Variants in NCOR2 observed in about 807,000 individuals in gnomAD.
The protein encoded by NCOR2 is nuclear receptor corepressor 2.
A neutral mutation model predicts 262.9 loss-of-function variants in NCOR2; 81 were observed. The observed-to-expected ratio is 0.31, with a 90% CI of 0.26 to 0.37. NCOR2 has a LOEUF of 0.37. Among genes scored for constraint, NCOR2 ranks in the 10% least tolerant of loss-of-function variants. The pLI is 1.00. For synonymous variants in NCOR2, 1,659 were observed against 1,559.3 expected, an observed-to-expected ratio of 1.06 and a Z score of -1.51; for missense variants, 3,385 against 3,621.4, an observed-to-expected ratio of 0.93 and a Z score of 1.68.
intron 12 of NCOR2, among the ~76,000 whole-genome samples, chr12:124,420,836 T>C (rs867071032): frequency 6.6e-6 from 1 of 152,190 alleles, no homozygotes; most frequent in African/African-American, 2.4e-5. Context: ...CCACCTCCAA[T>C]GGGCATTCTG....
intron 1 of NCOR2, among the ~76,000 whole-genome samples, chr12:124,525,930 G>A (rs776926423): frequency 2.7e-4 from 41 of 152,314 alleles, no homozygotes; most frequent in Non-Finnish European, 4.1e-4. Context: ...GAGTACATGC[G>A]TGTATGTATG....
intron 1 of NCOR2, among the ~76,000 whole-genome samples, chr12:124,493,224 G>A (rs1025348953): frequency 6.6e-6 from 1 of 152,220 alleles, no homozygotes; most frequent in Non-Finnish European, 1.5e-5. Context: ...AGCAGCCTGA[G>A]GACTCCCCAA....
At chr12:124,459,428 G>C (rs2046048997) in intron 5 of NCOR2, among the ~76,000 whole-genome samples, 1 of 152,034 alleles carries the variant, frequency 6.6e-6, no homozygotes, top group African/African-American at 2.4e-5. Flanking sequence ...GTCTTCTCTG[G>C]TCCTGCTTGT....
At chr12:124,500,081 G>A (rs1204879561), upstream of NCOR2, among the ~76,000 whole-genome samples, 1 of 152,148 alleles carries the variant, frequency 6.6e-6, no homozygotes, top group Non-Finnish European at 1.5e-5. Context: ...GCTCAGCCAT[G>A]CAGAGTCAGG....
At chr12:124,458,415 G>C (rs1183757020) in intron 5 of NCOR2, among the ~76,000 whole-genome samples, 1 of 152,184 alleles carries the variant, frequency 6.6e-6, no homozygotes, top group Non-Finnish European at 1.5e-5. Context: ...ACCTAGAGCT[G>C]CCTCCGCCTA....
At chr12:124,518,834 G>A (rs968240500) in intron 1 of NCOR2, among the ~76,000 whole-genome samples, 1 of 152,128 alleles carries the variant, frequency 6.6e-6, no homozygotes, top group Admixed American at 6.5e-5. Flanking sequence ...GTCCAGCTTC[G>A]AGCCGCACCT....
chr12:124,374,774 C>G (rs1326175853), intron 18 of NCOR2, among the ~76,000 whole-genome samples: 1 of 152,246 alleles, frequency 6.6e-6, no homozygotes, highest in African/African-American at 2.4e-5. Flanking sequence ...TGTCCTTGCC[C>G]TAAGTCATCA....
exon 31 of NCOR2, chr12:124,346,833 C>T (rs577005727): frequency 1.6e-5 from 25 of 1,579,032 alleles, no homozygotes; most frequent in East Asian, 7.0e-5. Flanking sequence ...TGTGCCTCCA[C>T]GTAGGACCGA....
At chr12:124,388,182 T>C (rs561754365) in intron 16 of NCOR2, among the ~76,000 whole-genome samples, 2 of 152,216 alleles carry the variant, frequency 1.3e-5, no homozygotes, top group Admixed American at 6.5e-5. Flanking sequence ...TCGCTAGCAG[T>C]CTTGGCCAGC....
intron 7 of NCOR2, among the ~76,000 whole-genome samples, chr12:124,446,818 G>C (rs1031139293): frequency 6.6e-6 from 1 of 152,184 alleles, no homozygotes; most frequent in African/African-American, 2.4e-5. Flanking sequence ...GGACAAATCA[G>C]TTCCAACAAT....
Position 124,333,240 on chromosome 12 carries a change from A to AC in NCOR2, c.6644dup (p.Glu2216Ter). 1 of 1,612,500 alleles carries AC rather than the reference A, an allele frequency of 6.2e-7. No individual in the cohort carries two copies. Among genetic ancestry groups the AC allele is most frequent in the Non-Finnish European group, 8.5e-7 (1 of 1,179,576 alleles). ...GGGACACAGGTTCAATACCGTCCTC[A>AC]CCACCACCCAAGACCGACGTCTTGT... On this transcript the variant is annotated frameshift_variant, in exon 42 of 47. Transcript: ENST00000405201. LOFTEE classifies it high-confidence loss of function.
At chr12:124,408,062 T>C (rs1300590819) in intron 13 of NCOR2, among the ~76,000 whole-genome samples, 1 of 152,228 alleles carries the variant, frequency 6.6e-6, no homozygotes, top group African/African-American at 2.4e-5. Flanking sequence ...TTATAAGATA[T>C]ACCAAGGCGT....
chr12:124,340,001 C>T lies in NCOR2; in HGVS notation c.5687+5G>A. ...CGCCCCCTCCCCCATGCCAACCTGG[C>T]CCACCTCAGGACCGTGGGCGTGCTG... On this transcript the variant is annotated splice_donor_5th_base_variant and intron_variant, in intron 37 of 46. Transcript: ENST00000405201. 6.2e-7 allele frequency: 1 copy of T among 1,608,864 alleles called. No homozygotes were observed. The highest frequency in any genetic ancestry group is 8.5e-7 in the Non-Finnish European group (1 of 1,178,462).
chr12:124,375,755 A>C (rs1294094677), intron 18 of NCOR2, among the ~76,000 whole-genome samples: 1 of 152,212 alleles, frequency 6.6e-6, no homozygotes, highest in African/African-American at 2.4e-5. Flanking sequence ...GGAGAACAGC[A>C]TGGCTTCATT....
chr12:124,400,471 C>T (rs2041937256), intron 15 of NCOR2, 30 bp downstream of exon 17: 2 of 1,603,744 alleles, frequency 1.2e-6, no homozygotes, highest in Admixed American at 1.7e-5. Context: ...CCAGCCCCTT[C>T]CCCACCCGCA....
chr12:124,341,807 C>T lies in NCOR2; in HGVS notation c.5188+16G>A. On this transcript the variant is annotated intron_variant, in intron 34 of 46. Coordinates refer to ENST00000405201, the Ensembl canonical transcript of NCOR2. ...TAAGGCCAAACCCAGCGGAGGTGGT[C>T]TGCCCACCCACTCACCTCGGGGACC... The T allele has an allele frequency of 6.3e-7, 1 of 1,587,478 alleles. No individual in the cohort carries two copies.
At chr12:124,469,309 A>G (rs2046707719) in intron 4 of NCOR2, among the ~76,000 whole-genome samples, 1 of 152,202 alleles carries the variant, frequency 6.6e-6, no homozygotes, top group Admixed American at 6.5e-5. Flanking sequence ...AAAAGCCAGA[A>G]AATCCAGGAT....
In NCOR2 at chr12:124,333,122, A is replaced by T. The variant is rs1012684670; in HGVS notation, c.6755+8T>A. 23 of 1,595,264 alleles carry T rather than the reference A, an allele frequency of 1.4e-5. No homozygotes were observed. Among genetic ancestry groups the T allele is most frequent in the Non-Finnish European group, 2.0e-5 (23 of 1,169,304 alleles). On this transcript the variant is annotated splice_region_variant and intron_variant, in intron 42 of 46. Coordinates refer to ENST00000405201, the Ensembl canonical transcript of NCOR2. ...TCCCGGGGGCAGCGCATGTGCCCAC[A>T]GAAGTACCTGGGCTCCGTCTGTTCC... is the stretch of plus-strand genomic sequence containing the variant.
At chr12:124,518,375 G>C (rs746798194) in intron 1 of NCOR2, 1 of 152,352 alleles carries the variant, frequency 6.6e-6, no homozygotes, top group Admixed American at 6.5e-5. Flanking sequence ...ACCTTCCCGC[G>C]AGACTACGAC....
Sources: gnomAD v4.1 joint callset for allele counts (sites outside exome capture counted in the v4.1 genomes callset) on GRCh38, gnomAD v4.1.1 for gene constraint, MANE v1.5 for transcripts, NCBI Gene and HGNC (gene_info 2026-07-23, HGNC 2026-07-21) for gene names.